CUL4B: variants seen among roughly 807,000 people sequenced by gnomAD.
CUL4B encodes the protein cullin 4B, also known as cullin-4B.
A neutral mutation model predicts 69.2 loss-of-function variants in CUL4B; 1 was observed. The ratio of observed to expected loss-of-function variants is 0.01; its 90% CI spans 0.01 to 0.07. The LOEUF is 0.07. Among genes scored for constraint, CUL4B ranks in the 10% least tolerant of loss-of-function variants. CUL4B has a pLI of 1.00. For missense variants in CUL4B, 328 were observed against 638.8 expected (o/e 0.51, Z 5.24); for synonymous variants, 237 against 223.2 (o/e 1.06, Z -0.55).
At chrX:120,549,426 C>T in intron 2 of CUL4B, among the ~76,000 whole-genome samples, 1 of 111,555 alleles carries the variant, frequency 9.0e-6, no homozygotes, top group Admixed American at 9.5e-5. Context: ...GTGGTGTGCA[C>T]CAGCTACTCG....
chrX:120,545,125 T>C (rs1381150403), intron 5 of CUL4B, among the ~76,000 whole-genome samples: 1 of 112,087 alleles, frequency 8.9e-6, no homozygotes, highest in African/African-American at 3.2e-5. Flanking sequence ...CATGGACTTT[T>C]GCATAATGTT....
intron 2 of CUL4B, among the ~76,000 whole-genome samples, chrX:120,572,479 A>G (rs1025397752): frequency 9.9e-4 from 106 of 107,341 alleles, no homozygotes; most frequent in Non-Finnish European, 1.7e-3. Context: ...AAAAAAAAAA[A>G]AAAAGAAAAA....
At chrX:120,557,151 T>C (rs1021167293) in intron 2 of CUL4B, among the ~76,000 whole-genome samples, 1 of 111,187 alleles carries the variant, frequency 9.0e-6, no homozygotes, top group Non-Finnish European at 1.9e-5. Context: ...CCTCAGGTGA[T>C]CTGCCAGCCT....
At chrX:120,536,409 C>T (rs1923674086) in intron 15 of CUL4B, among the ~76,000 whole-genome samples, 1 of 112,317 alleles carries the variant, frequency 8.9e-6, no homozygotes, top group Admixed American at 9.4e-5. Context: ...AGCCTTAATC[C>T]CTTTTATGGG....
At chrX:120,547,107 T>G (rs1924385798) in intron 3 of CUL4B, 29 bp downstream of exon 3, 1 of 1,029,750 alleles carries the variant, frequency 9.7e-7, no homozygotes, top group Non-Finnish European at 1.4e-6. Flanking sequence ...GACAAAACTA[T>G]TCACGATTTT....
At chrX:120,569,271 C>T (rs763376988), downstream of CUL4B, among the ~76,000 whole-genome samples, 3 of 112,018 alleles carry the variant, frequency 2.7e-5, no homozygotes, top group Admixed American at 2.8e-4. Context: ...ACAAAGACAA[C>T]CCTTGCCCTC....
intron 7 of CUL4B, 70 bp from the exon 8 acceptor site, chrX:120,543,879 G>T: frequency 1.2e-6 from 1 of 807,403 alleles, no homozygotes; most frequent in South Asian, 2.1e-5. Context: ...AAGTCCAAAA[G>T]ATCCTGGAAG....
At chrX:120,566,377 A>ATG (rs1418415167), upstream of CUL4B, among the ~76,000 whole-genome samples, 5 of 66,805 alleles carry the variant, frequency 7.5e-5, no homozygotes, top group Non-Finnish European at 1.6e-4. Flanking sequence ...ATATATATAT[A>ATG]TATATATATA....
chrX:120,574,013 G>A (rs1925785799), intron 2 of CUL4B, among the ~76,000 whole-genome samples: 2 of 109,309 alleles, frequency 1.8e-5, no homozygotes, highest in Non-Finnish European at 3.8e-5. Context: ...TTTTAGTAGA[G>A]ACGGGGTTTC....
rs771394607 is a variant in CUL4B at position 120,546,598 on chromosome X, A to G, written c.795T>C (p.Val265=). 6.1e-5 allele frequency: 73 copies of G among 1,191,719 alleles called. No individual in the cohort carries two copies. The highest frequency in any genetic ancestry group is 8.2e-5 in the Non-Finnish European group (72 of 879,570). ...ATCTATCAATCTTCTTTAAAAAAAG[A>G]ACGCTATCCAATGAATCCCTGAAAC... ...HQFREDSLDS[V]LFLKKIDRCW... The change falls in exon 4 of 20, where the codon GTT becomes GTC. Residue 265 remains valine, a synonymous_variant. Coordinates refer to ENST00000371322, the MANE Select transcript of CUL4B (RefSeq NM_001079872.2).
chrX:120,562,722 A>G (rs778235943), upstream of CUL4B, among the ~76,000 whole-genome samples: 5 of 111,626 alleles, frequency 4.5e-5, no homozygotes, highest in Non-Finnish European at 9.4e-5. Flanking sequence ...ACAAGGGCAA[A>G]GCAAGGAGTG....
At chrX:120,565,618 G>C (rs1925472648), upstream of CUL4B, among the ~76,000 whole-genome samples, 1 of 88,784 alleles carries the variant, frequency 1.1e-5, no homozygotes, top group South Asian at 6.8e-4. Context: ...GGAGGCAGAG[G>C]TTGCAGTGAG....
intron 2 of CUL4B, among the ~76,000 whole-genome samples, chrX:120,557,093 T>G (rs1172902338): frequency 9.1e-6 from 1 of 110,274 alleles, no homozygotes; most frequent in Non-Finnish European, 1.9e-5. Context: ...GTATTTTTAG[T>G]AGAGACGGGG....
chrX:120,544,357 TC>T, intron 6 of CUL4B, 123 bp downstream of exon 6: 1 of 862,799 alleles, frequency 1.2e-6, no homozygotes, highest in East Asian at 3.2e-5. Flanking sequence ...GTTTTTATGC[TC>T]ATATATGAGA....
At chrX:120,545,722 A>G (rs1006138822) in intron 4 of CUL4B, among the ~76,000 whole-genome samples, 12 of 110,586 alleles carry the variant, frequency 1.1e-4, no homozygotes, top group African/African-American at 4.0e-4. Context: ...TTTTCTAGAA[A>G]AAAGACACTT....
intron 9 of CUL4B, 131 bp downstream of exon 9, chrX:120,542,835 G>C: frequency 4.1e-6 from 2 of 488,470 alleles, no homozygotes; most frequent in Non-Finnish European, 7.2e-6. Flanking sequence ...TGATTAATAA[G>C]GATTGTGTCC....
chrX:120,544,765 G>C, intron 5 of CUL4B, 122 bp from the exon 6 acceptor site: 1 of 530,137 alleles, frequency 1.9e-6, no homozygotes, highest in Non-Finnish European at 3.1e-6. Flanking sequence ...AGCAGCAATT[G>C]TCAAAAAATA....
chrX:120,572,334 G>A (rs1925733081), intron 2 of CUL4B, among the ~76,000 whole-genome samples: 1 of 108,237 alleles, frequency 9.2e-6, no homozygotes, highest in Non-Finnish European at 1.9e-5. Flanking sequence ...GTGTGGTGGC[G>A]CATGCCTATA....
In CUL4B at chrX:120,574,828, C is replaced by T. The variant is rs142029145; in HGVS notation, c.-13-198G>A. 6.3e-3 allele frequency among the ~76,000 whole-genome samples: 708 copies of T among 112,054 alleles called. 6 individuals carry two copies. Among genetic ancestry groups the T allele is most frequent in the African/African-American group, 0.022 (671 of 30,884 alleles). On this transcript the variant is annotated intron_variant, in intron 1 of 2. Coordinates refer to the CUL4B transcript ENST00000486604. Reference sequence around the variant, plus strand: ...GCAATTTTAGTGCTATTCTTTTACTCGTTTTTTTCTTCTGTCATTTCAAGC... The same window carrying T: ...GCAATTTTAGTGCTATTCTTTTACTTGTTTTTTTCTTCTGTCATTTCAAGC...
Sources: allele counts gnomAD v4.1 joint callset (sites outside exome capture counted in the v4.1 genomes callset), GRCh38; gene constraint gnomAD v4.1.1; transcripts MANE v1.5; gene names NCBI Gene and HGNC (gene_info 2026-07-23, HGNC 2026-07-21).